TMEM255A: variants seen among roughly 807,000 people sequenced by gnomAD.
The protein encoded by TMEM255A is transmembrane protein 255A.
In TMEM255A, 14 loss-of-function variants were observed where a neutral mutation model predicts 23.5. The ratio of observed to expected loss-of-function variants is 0.60; its 90% CI spans 0.39 to 0.93. The LOEUF (loss-of-function observed/expected upper bound fraction) is 0.93. Ranked by LOEUF, TMEM255A falls within the 40% of genes least tolerant of loss-of-function variation. The pLI is 0.00. For synonymous variants in TMEM255A, 104 were observed against 100.3 expected (o/e 1.04, Z -0.22); for missense variants, 233 against 261.7 (o/e 0.89, Z 0.76).
At chrX:120,296,816 C>A (rs190422829) in intron 2 of TMEM255A, among the ~76,000 whole-genome samples, 92 of 6,504 alleles carry the variant, frequency 0.014, 9 homozygotes, top group African/African-American at 0.084. Context: ...TAATATATAT[C>A]ATATATAATA....
At chrX:120,306,629 C>A (rs937438596) in intron 1 of TMEM255A, among the ~76,000 whole-genome samples, 3 of 112,113 alleles carry the variant, frequency 2.7e-5, no homozygotes, top group Non-Finnish European at 5.6e-5. Flanking sequence ...CAACACCTTA[C>A]CCAGAAAACA....
At chrX:120,304,634 G>A (rs948569299) in intron 1 of TMEM255A, 143 bp from the exon 2 acceptor site, 2 of 571,267 alleles carry the variant, frequency 3.5e-6, no homozygotes, top group Non-Finnish European at 5.6e-6. Context: ...GGGGGGTTGT[G>A]GGGAAGGGAT....
intron 1 of TMEM255A, among the ~76,000 whole-genome samples, chrX:120,306,248 G>C (rs56109509): frequency 6.3e-5 from 7 of 111,268 alleles, no homozygotes; most frequent in African/African-American, 1.3e-4. Context: ...GGTAAACACA[G>C]GAGCAAAGCC....
At chrX:120,285,272 C>T (rs1261935794) in intron 5 of TMEM255A, 57 bp from the exon 6 acceptor site, 1 of 1,013,295 alleles carries the variant, frequency 9.9e-7, no homozygotes, top group African/African-American at 1.9e-5. Flanking sequence ...GCAGGACCCT[C>T]TGGGATTGGA....
the TMEM255A span, chrX:120,252,897 C>CGG: frequency 8.9e-6 from 1 of 112,110 alleles, no homozygotes; most frequent in Non-Finnish European, 1.9e-5. Flanking sequence ...GGTGTAGATT[C>CGG]TGCATATATT....
downstream of TMEM255A, chrX:120,255,651 A>T (rs1454502645): frequency 8.2e-6 from 3 of 364,531 alleles, no homozygotes; most frequent in Admixed American, 1.0e-4. Flanking sequence ...TTATATAGTT[A>T]GTTTTCAGCT....
chrX:120,268,432 A>T, intron 7 of TMEM255A, 45 bp from the exon 8 acceptor site: 1 of 1,057,569 alleles, frequency 9.5e-7, no homozygotes, highest in Non-Finnish European at 1.3e-6. Flanking sequence ...AGTCATCACT[A>T]GGAGAATGGT....
At chrX:120,297,317 T>C (rs899829352) in intron 2 of TMEM255A, among the ~76,000 whole-genome samples, 7 of 98,203 alleles carry the variant, frequency 7.1e-5, no homozygotes, top group Admixed American at 1.3e-4. Context: ...GAGGATTATA[T>C]GAGATGAAGT....
At chrX:120,264,890 T>TA (rs1276821239) in intron 8 of TMEM255A, among the ~76,000 whole-genome samples, 2 of 108,284 alleles carry the variant, frequency 1.8e-5, no homozygotes, top group Admixed American at 9.9e-5. Context: ...TTTTTTTTTT[T>TA]TTTTTATACA....
At chrX:120,299,770 A>G (rs2058021375) in intron 2 of TMEM255A, among the ~76,000 whole-genome samples, 1 of 112,323 alleles carries the variant, frequency 8.9e-6, no homozygotes, top group Admixed American at 9.4e-5. Context: ...AAATCCCACT[A>G]TCCAGAGCTC....
At chrX:120,298,387 A>G (rs1002423510) in intron 2 of TMEM255A, among the ~76,000 whole-genome samples, 1 of 111,789 alleles carries the variant, frequency 8.9e-6, no homozygotes, top group Admixed American at 9.5e-5. Context: ...ATCCCTTTCC[A>G]TAATCCTGAA....
chrX:120,264,985 C>G (rs1284968248), intron 8 of TMEM255A, among the ~76,000 whole-genome samples: 7 of 108,148 alleles, frequency 6.5e-5, no homozygotes, highest in African/African-American at 1.4e-4. Flanking sequence ...TCAAGTGATT[C>G]TCCTGCCTCA....
At chrX:120,310,661 A>G (rs2058093171) in intron 1 of TMEM255A, among the ~76,000 whole-genome samples, 1 of 102,880 alleles carries the variant, frequency 9.7e-6, no homozygotes, top group African/African-American at 3.6e-5. Context: ...GTGATTCCTC[A>G]GGAATTCCCC....
intron 7 of TMEM255A, among the ~76,000 whole-genome samples, chrX:120,271,760 T>G (rs782245915): frequency 2.7e-4 from 30 of 109,972 alleles, no homozygotes; most frequent in Non-Finnish European, 5.1e-4. Flanking sequence ...GCTAAAACTA[T>G]AAAATTCTTA....
chrX:120,267,985 C>T (rs916374958), intron 8 of TMEM255A, among the ~76,000 whole-genome samples: 3 of 110,906 alleles, frequency 2.7e-5, no homozygotes, highest in Non-Finnish European at 5.7e-5. Context: ...TACCTTGATC[C>T]TACCTCCCTC....
At chrX:120,284,045 A>G (rs1405329660) in intron 6 of TMEM255A, among the ~76,000 whole-genome samples, 3 of 110,913 alleles carry the variant, frequency 2.7e-5, no homozygotes, top group Non-Finnish European at 5.7e-5. Flanking sequence ...CTGATTCCCT[A>G]CTTATTCTGT....
Position 120,259,993 on chromosome X carries a change from G to T in TMEM255A, c.*877C>A. 1 of 301,202 alleles carries T rather than the reference G, an allele frequency of 3.3e-6. No individual in the cohort carries two copies. Among genetic ancestry groups the T allele is most frequent in the Non-Finnish European group, 4.4e-6 (1 of 225,425 alleles). The allele number at this position is 301,202 out of a possible 1,213,427, so 24.8% of individuals were successfully genotyped here. A position where few individuals can be genotyped will look rare whatever the true frequency, so the allele number is the denominator to read the frequency against. On this transcript the variant is annotated 3_prime_UTR_variant, in exon 9 of 9. Transcript: ENST00000371369. ...AAGCACAATATTTGAAGATTAAATA[G>T]TCACAAAGATTAGTAACAATTCATA...
intron 7 of TMEM255A, among the ~76,000 whole-genome samples, chrX:120,270,435 G>A (rs1473683522): frequency 1.9e-5 from 2 of 106,430 alleles, no homozygotes; most frequent in Non-Finnish European, 3.9e-5. Context: ...CACAGCAAAT[G>A]GTGAAAGCAA....
At chrX:120,303,995 T>G (rs1405456311) in intron 2 of TMEM255A, among the ~76,000 whole-genome samples, 2 of 111,192 alleles carry the variant, frequency 1.8e-5, no homozygotes, top group Non-Finnish European at 3.8e-5. Flanking sequence ...TCAGGTGAGA[T>G]CAGATGACCT....
Sources: allele counts gnomAD v4.1 joint callset (sites outside exome capture counted in the v4.1 genomes callset), GRCh38; gene constraint gnomAD v4.1.1; transcripts MANE v1.5; gene names NCBI Gene and HGNC (gene_info 2026-07-23, HGNC 2026-07-21).